RPSA2: variants seen among roughly 807,000 people sequenced by gnomAD.
The protein encoded by RPSA2 is ribosomal protein SA 2, also known as small ribosomal subunit protein uS2B.
At chr19:23,821,050 G>T in the RPSA2 span, among the ~76,000 whole-genome samples, 3 of 152,302 alleles carry the variant, frequency 2.0e-5, no homozygotes, top group East Asian at 5.8e-4. Context: ...AAAATAGCTG[G>T]GTTTAGAGTG....
At chr19:23,870,533 A>AG in the RPSA2 span, among the ~76,000 whole-genome samples, 1 of 151,410 alleles carries the variant, frequency 6.6e-6, no homozygotes, top group African/African-American at 2.4e-5. Flanking sequence ...TACAAAAAAA[A>AG]GTTCTTGATT....
At chr19:23,828,969 A>AC in the RPSA2 span, among the ~76,000 whole-genome samples, 1 of 150,488 alleles carries the variant, frequency 6.6e-6, no homozygotes, top group Non-Finnish European at 1.5e-5. Context: ...ACACACACAC[A>AC]AATTTGTCAT....
chr19:23,763,284 T>TGGGCCCACAGCC, the RPSA2 span: 1 of 152,488 alleles, frequency 6.6e-6, no homozygotes, highest in Non-Finnish European at 1.5e-5. Flanking sequence ...AGATGGCGGC[T>TGGGCCCACAGCC]GGGCCCACAG....
chr19:23,835,092 T>G, the RPSA2 span, among the ~76,000 whole-genome samples: 9 of 152,246 alleles, frequency 5.9e-5, no homozygotes, highest in Admixed American at 5.2e-4. Flanking sequence ...AAGTTATTTT[T>G]AATGTACAAT....
the RPSA2 span, among the ~76,000 whole-genome samples, chr19:23,779,084 T>C: frequency 1.5e-5 from 2 of 130,066 alleles, no homozygotes; most frequent in Admixed American, 9.6e-5. Context: ...CACTGCAAGC[T>C]CCGCCTCCTG....
the RPSA2 span, among the ~76,000 whole-genome samples, chr19:23,824,297 G>C: frequency 6.6e-6 from 1 of 152,274 alleles, no homozygotes; most frequent in East Asian, 1.9e-4. Context: ...ACTAAAGCAG[G>C]CCTTGCAGCT....
chr19:23,832,766 C>G, the RPSA2 span: 2 of 1,567,604 alleles, frequency 1.3e-6, no homozygotes, highest in Admixed American at 3.4e-5. Context: ...TCAATCCTTA[C>G]TCGACATAAG....
At chr19:23,850,693 G>A in the RPSA2 span, among the ~76,000 whole-genome samples, 2 of 151,856 alleles carry the variant, frequency 1.3e-5, no homozygotes, top group Admixed American at 6.6e-5. Context: ...AGGTTCCCAG[G>A]TATTGGTCTG....
chr19:23,759,987 C>T, the RPSA2 span, among the ~76,000 whole-genome samples: 26 of 152,204 alleles, frequency 1.7e-4, no homozygotes, highest in East Asian at 1.7e-3. Flanking sequence ...TTACAGAGGA[C>T]GACAGTTCCC....
At chr19:23,789,242 C>G in the RPSA2 span, among the ~76,000 whole-genome samples, 1 of 152,062 alleles carries the variant, frequency 6.6e-6, no homozygotes, top group Admixed American at 6.6e-5. Context: ...CTCAGTTGAT[C>G]CACTTGCCTT....
At chr19:23,817,159 A>G in the RPSA2 span, among the ~76,000 whole-genome samples, 562 of 152,322 alleles carry the variant, frequency 3.7e-3, 4 homozygotes, top group African/African-American at 0.013. Flanking sequence ...AGGTGGGCGG[A>G]TAACCTGAGG....
At chr19:23,828,199 A>G in the RPSA2 span, 2 of 608,656 alleles carry the variant, frequency 3.3e-6, no homozygotes, top group Non-Finnish European at 5.8e-6. Context: ...AAGTTTATAT[A>G]TGTGCTGCAT....
chr19:23,860,272 T>A, the RPSA2 span, among the ~76,000 whole-genome samples: 2 of 152,204 alleles, frequency 1.3e-5, no homozygotes, highest in Non-Finnish European at 2.9e-5. Flanking sequence ...TCCCAAACTA[T>A]ATTCTTTTCT....
chr19:23,787,336 C>T, the RPSA2 span, among the ~76,000 whole-genome samples: 1 of 152,068 alleles, frequency 6.6e-6, no homozygotes, highest in African/African-American at 2.4e-5. Context: ...GGTGTGGTGA[C>T]TCATGCCTGT....
chr19:23,793,421 G>A, the RPSA2 span, among the ~76,000 whole-genome samples: 1 of 149,484 alleles, frequency 6.7e-6, no homozygotes, highest in Non-Finnish European at 1.5e-5. Flanking sequence ...TTATTGTATT[G>A]TATTTGTATT....
the RPSA2 span, among the ~76,000 whole-genome samples, chr19:23,847,451 A>G: frequency 1.3e-5 from 2 of 152,324 alleles, no homozygotes; most frequent in Non-Finnish European, 2.9e-5. Flanking sequence ...GGGTGACATC[A>G]CATATCGGTA....
chr19:23,857,508 G>A, the RPSA2 span, among the ~76,000 whole-genome samples: 2 of 40,818 alleles, frequency 4.9e-5, no homozygotes, highest in Non-Finnish European at 1.2e-4. Context: ...TTTTTTTTTT[G>A]AGATGGAGTT....
chr19:23,799,889 A>G, the RPSA2 span, among the ~76,000 whole-genome samples: 4 of 152,370 alleles, frequency 2.6e-5, no homozygotes, highest in South Asian at 8.3e-4. Context: ...TGAACTATGT[A>G]TGACATGGTG....
At chr19:23,841,977 G>A in the RPSA2 span, among the ~76,000 whole-genome samples, 3 of 152,208 alleles carry the variant, frequency 2.0e-5, no homozygotes, top group South Asian at 6.2e-4. Context: ...AATGAAGGCT[G>A]TCATTTTTGT....
Sources: allele counts gnomAD v4.1 joint callset (sites outside exome capture counted in the v4.1 genomes callset), GRCh38; gene constraint gnomAD v4.1.1; transcripts MANE v1.5; gene names NCBI Gene and HGNC (gene_info 2026-07-23, HGNC 2026-07-21).